Variants in CDC42BPB observed in about 807,000 individuals in gnomAD.
The protein encoded by CDC42BPB is serine/threonine-protein kinase MRCK beta.
Under a neutral mutation model 214.9 loss-of-function variants are expected in CDC42BPB, and 37 were observed. That is an observed-to-expected ratio of 0.17 (90% CI 0.13 to 0.23). CDC42BPB has a LOEUF of 0.23. CDC42BPB is among the 10% of genes least tolerant of loss of function. The probability of loss-of-function intolerance (pLI) is 1.00; values close to 1 mark genes in which losing one functional copy is unlikely to be tolerated. For synonymous variants in CDC42BPB, 931 were observed against 884.0 expected, an observed-to-expected ratio of 1.05 and a Z score of -0.94; for missense variants, 1,694 against 2,227.0, an observed-to-expected ratio of 0.76 and a Z score of 4.82.
intron 20 of CDC42BPB, 83 bp downstream of exon 20, chr14:102,962,978 T>A (rs1893028914): frequency 2.9e-6 from 2 of 687,210 alleles, no homozygotes; most frequent in Non-Finnish European, 2.5e-6. Context: ...CTAAAGTAAC[T>A]ATTAAGTCGA....
chr14:102,966,886 CCCAGACATGAG>C (rs1430727818), intron 17 of CDC42BPB, among the ~76,000 whole-genome samples, 149 bp downstream of exon 17: 1 of 152,182 alleles, frequency 6.6e-6, no homozygotes, highest in Non-Finnish European at 1.5e-5. Flanking sequence ...GAACCACTGC[CCCAGACATGAG>C]AAGTTCTGGG....
chr14:103,027,636 A>G (rs1887125127), intron 1 of CDC42BPB, among the ~76,000 whole-genome samples: 1 of 152,228 alleles, frequency 6.6e-6, no homozygotes, highest in Admixed American at 6.5e-5. Flanking sequence ...GTATAGTATG[A>G]TTCCATTTAT....
intron 7 of CDC42BPB, among the ~76,000 whole-genome samples, chr14:102,982,496 C>T (rs767730732): frequency 3.3e-5 from 5 of 152,110 alleles, no homozygotes; most frequent in Non-Finnish European, 7.4e-5. Flanking sequence ...TGACTGGGTG[C>T]GATGGCTCAC....
chr14:103,016,715 T>C (rs1453209349), intron 1 of CDC42BPB, among the ~76,000 whole-genome samples: 2 of 152,084 alleles, frequency 1.3e-5, no homozygotes, highest in Non-Finnish European at 2.9e-5. Context: ...TGGGATAGAA[T>C]TGGGTTATTG....
In CDC42BPB at chr14:103,014,166, A is replaced by AAAC. The variant is rs566591971; in HGVS notation, c.176-1979_176-1978insGTT. 3.3e-3 allele frequency among the ~76,000 whole-genome samples: 144 copies of AAAC among 43,922 alleles called. 9 individuals carry two copies. The highest frequency in any genetic ancestry group is 4.9e-3 in the Non-Finnish European group (107 of 21,882). 28.8% of individuals were successfully genotyped at this position (43,922 alleles called of 152,430 possible). On this transcript the variant is annotated intron_variant, in intron 1 of 36. Coordinates refer to ENST00000361246, the MANE Select transcript of CDC42BPB (RefSeq NM_006035.4). The stretch of plus-strand genomic sequence containing the variant: ...GGGCGACACAGCGAGACTCCGTCTC[A>AAAC]AAAAAAAAAAAAAAAAAAAAGCTCC...
In CDC42BPB at chr14:102,983,611, G is replaced by T; in HGVS notation, c.836C>A (p.Thr279Lys). The change falls in exon 7 of 37, where the codon ACG (threonine) becomes AAG (lysine). Residue 279 changes from threonine to lysine, a missense_variant. By Grantham distance (78) the Thr-to-Lys change is moderately conservative. Around this residue, in one of 7 missense-constraint regions of CDC42BPB, gnomAD observed 225 missense variants for 459.3 expected, o/e 0.49. Transcript: ENST00000361246. ...CACGAGTGACTCCGCATAAAACGGC[G>T]TTTCTCCATAGAGCATCTCATACAT... ...VCMYEMLYGE[T>K]PFYAESLVET... is the part of the protein sequence containing the mutation. 6.2e-7 allele frequency: 1 copy of T among 1,612,378 alleles called. No homozygotes were observed.
chr14:102,946,179 T>C (rs1013942412), intron 28 of CDC42BPB, among the ~76,000 whole-genome samples: 5 of 151,462 alleles, frequency 3.3e-5, no homozygotes, highest in Admixed American at 1.3e-4. Context: ...CAGCTATATT[T>C]TATTTTTATT....
chr14:103,030,703 A>T (rs1458321736), intron 1 of CDC42BPB, among the ~76,000 whole-genome samples: 7 of 152,020 alleles, frequency 4.6e-5, no homozygotes. Context: ...CTCAAAAAAA[A>T]GTGTTCAGGG....
At chr14:102,940,881 G>A (rs566519943) in intron 30 of CDC42BPB, 15 of 171,256 alleles carry the variant, frequency 8.8e-5, no homozygotes, top group Admixed American at 2.2e-4. Context: ...TCTGCAGCCC[G>A]GTCTGAGGGC....
Position 102,933,745 on chromosome 14 carries a change from G to A in CDC42BPB, c.5103C>T (p.Leu1701=), listed in dbSNP as rs35239675. The change falls in exon 37 of 37, where the codon CTC becomes CTT. Residue 1701 remains leucine, a synonymous_variant. Coordinates refer to ENST00000361246, the MANE Select transcript of CDC42BPB (RefSeq NM_006035.4). ...PNSPHRSQLP[L]EGLEQPACDT ...CACAGGCCGGCTGCTCCAGGCCTTC[G>A]AGGGGGAGCTGGCTCCTGTGGGGGG... The A allele has an allele frequency of 2.1e-4, 319 of 1,493,482 alleles. 1 individual carries two copies. The African/African-American group carries it at 3.9e-3, about 18-fold the overall frequency. 92.5% of individuals were successfully genotyped at this position (1,493,482 alleles called of 1,614,324 possible). A position where few individuals can be genotyped will look rare whatever the true frequency, so the allele number is the denominator to read the frequency against.
intron 7 of CDC42BPB, among the ~76,000 whole-genome samples, chr14:102,982,755 C>T (rs888091472): frequency 6.6e-6 from 1 of 151,060 alleles, no homozygotes; most frequent in African/African-American, 2.4e-5. Flanking sequence ...AGCGAAACTC[C>T]GTCTCAAAAA....
chr14:103,011,979 C>T (rs1391860187), intron 2 of CDC42BPB, 118 bp downstream of exon 2: 6 of 716,286 alleles, frequency 8.4e-6, no homozygotes, highest in African/African-American at 1.8e-5. Flanking sequence ...AACAAACTCT[C>T]CAAATAATAC....
intron 1 of CDC42BPB, among the ~76,000 whole-genome samples, chr14:103,056,352 G>A (rs1293147365): frequency 6.6e-6 from 1 of 152,170 alleles, no homozygotes; most frequent in African/African-American, 2.4e-5. Context: ...CAGCAAAGTA[G>A]GTATTCAGGC....
chr14:103,012,017 T>C (rs1886186743), intron 2 of CDC42BPB, 80 bp downstream of exon 2: 1 of 869,522 alleles, frequency 1.2e-6, no homozygotes, highest in Non-Finnish European at 2.0e-6. Flanking sequence ...AACCAATGTA[T>C]AGGTGCACAA....
chr14:102,969,169 G>A (rs1177668631), intron 14 of CDC42BPB, among the ~76,000 whole-genome samples: 1 of 152,242 alleles, frequency 6.6e-6, no homozygotes, highest in African/African-American at 2.4e-5. Context: ...CTTCTGTAAG[G>A]TGCTGGCCTA....
chr14:102,942,456 G>A (rs1015735129), intron 30 of CDC42BPB, among the ~76,000 whole-genome samples: 2 of 152,196 alleles, frequency 1.3e-5, no homozygotes, highest in Non-Finnish European at 2.9e-5. Flanking sequence ...CCCCATATGC[G>A]CGGCTCGTCT....
rs369549257 is a variant in CDC42BPB at position 102,972,245 on chromosome 14, G to A, written c.1642-84C>T. The A allele has an allele frequency of 7.3e-5, 114 of 1,560,486 alleles. 2 individuals are homozygous for A. The South Asian group carries it at 1.2e-3, about 16-fold the overall frequency. On this transcript the variant is annotated intron_variant, in intron 12 of 36. Coordinates refer to ENST00000361246, the MANE Select transcript of CDC42BPB (RefSeq NM_006035.4). ...AGGTTCGGTCTTCCATGATATTGAG[G>A]AGTTAAAAGCGACAGCCAATGCTGG...
intron 4 of CDC42BPB, 145 bp from the exon 5 acceptor site, chr14:102,999,858 C>G (rs1328076644): frequency 1.4e-6 from 2 of 1,465,124 alleles, no homozygotes; most frequent in African/African-American, 2.9e-5. Context: ...ACCCAAGACC[C>G]TCCTTCTGGA....
intron 19 of CDC42BPB, among the ~76,000 whole-genome samples, chr14:102,964,082 G>GC (rs1172492936): frequency 6.6e-6 from 1 of 152,208 alleles, no homozygotes; most frequent in African/African-American, 2.4e-5. Flanking sequence ...AAGTGAGAAT[G>GC]CCATCTTCAA....
Sources: allele counts gnomAD v4.1 joint callset (sites outside exome capture counted in the v4.1 genomes callset), GRCh38; gene constraint gnomAD v4.1.1; regional missense constraint gnomAD v4.1.1; transcripts MANE v1.5; gene names NCBI Gene and HGNC (gene_info 2026-07-23, HGNC 2026-07-21).